The following MAPT variants were observed in gnomAD, a reference collection of about 807,000 sequenced individuals.
MAPT encodes microtubule-associated protein tau.
Under a neutral mutation model 67.9 loss-of-function variants are expected in MAPT, and 34 were observed. That is an observed-to-expected ratio of 0.50 (90% CI 0.38 to 0.67). The LOEUF is 0.67. Ranked by LOEUF, MAPT falls within the 30% of genes least tolerant of loss-of-function variation. MAPT has a pLI of 0.00. For synonymous variants in MAPT, 456 were observed against 464.5 expected, an observed-to-expected ratio of 0.98 and a Z score of 0.23; for missense variants, 881 against 1,115.2, an observed-to-expected ratio of 0.79 and a Z score of 2.99.
At chr17:45,998,577 A>C (rs2074709255) in intron 9 of MAPT, among the ~76,000 whole-genome samples, 1 of 152,148 alleles carries the variant, frequency 6.6e-6, no homozygotes, top group African/African-American at 2.4e-5. Context: ...ATCCGGGTTA[A>C]ATTAAGGTCC....
intron 1 of MAPT, among the ~76,000 whole-genome samples, chr17:45,954,518 G>C (rs888192935): frequency 6.6e-6 from 1 of 152,180 alleles, no homozygotes; most frequent in African/African-American, 2.4e-5. Flanking sequence ...AGCCACTCGG[G>C]AGACTGAGGT....
intron 5 of MAPT, among the ~76,000 whole-genome samples, chr17:45,984,183 A>C (rs2073307962): frequency 6.6e-6 from 1 of 151,914 alleles, no homozygotes; most frequent in African/African-American, 2.4e-5. Context: ...CGTGCTACCC[A>C]CCTTGTTTGA....
intron 1 of MAPT, among the ~76,000 whole-genome samples, chr17:45,942,709 A>G (rs1345004940): frequency 6.6e-6 from 1 of 152,268 alleles, no homozygotes; most frequent in Non-Finnish European, 1.5e-5. Flanking sequence ...AAATACAAAC[A>G]GGAGACAGAA....
intron 9 of MAPT, among the ~76,000 whole-genome samples, chr17:46,006,969 TAAAATAAAATAAATA>T (rs374753402): frequency 0.15 from 21,517 of 143,358 alleles, 2,106 homozygotes; most frequent in Non-Finnish European, 0.22. Context: ...TAAAATAAAA[TAAAATAAAATAAATA>T]AAATAAAATA....
At chr17:45,946,581 C>T (rs1402885195) in intron 1 of MAPT, among the ~76,000 whole-genome samples, 1 of 111,982 alleles carries the variant, frequency 8.9e-6, no homozygotes, top group East Asian at 2.2e-4. Context: ...CCTGGGCGAC[C>T]GAGGGGGACT....
chr17:45,956,538 G>A (rs1014757269), intron 1 of MAPT, among the ~76,000 whole-genome samples: 2 of 143,064 alleles, frequency 1.4e-5, no homozygotes, highest in Admixed American at 7.0e-5. Context: ...TGGAACTCTA[G>A]CAGGTTCTTT....
intron 1 of MAPT, among the ~76,000 whole-genome samples, chr17:45,919,358 C>G (rs985356430): frequency 2.0e-5 from 3 of 151,966 alleles, no homozygotes; most frequent in South Asian, 2.1e-4. Flanking sequence ...GCGCCCCCCC[C>G]GCCTGCCCTC....
intron 1 of MAPT, among the ~76,000 whole-genome samples, chr17:45,961,521 G>A (rs1007506333): frequency 2.0e-5 from 3 of 152,178 alleles, no homozygotes; most frequent in Admixed American, 6.5e-5. Flanking sequence ...GGACACCCCC[G>A]ATGAGTCAAG....
chr17:45,948,305 C>T (rs948961866), intron 1 of MAPT, among the ~76,000 whole-genome samples: 1 of 147,348 alleles, frequency 6.8e-6, no homozygotes, highest in Non-Finnish European at 1.5e-5. Flanking sequence ...GCACCCAGCC[C>T]TCCTGGGCTC....
chr17:45,993,829 C>A, intron 8 of MAPT: 1 of 1,312,210 alleles, frequency 7.6e-7, no homozygotes, highest in Non-Finnish European at 1.1e-6. Flanking sequence ...GGGGCCCCTG[C>A]TGGGCCAGCT....
chr17:45,974,038 G>A (rs10514889), intron 3 of MAPT: 129,129 of 344,704 alleles, frequency 0.37, 26,855 homozygotes, highest in East Asian at 0.47. Context: ...CTGTCTTAAG[G>A]ATCATATAGT....
At position 45,996,960 on chromosome 17, in the gene MAPT, G is replaced by A. The variant is rs2074534397; in HGVS notation, c.1998+296G>A. Among the ~76,000 whole-genome samples the A allele has an allele frequency of 6.6e-6, 1 of 152,152 alleles. No individual in the cohort carries two copies. The highest frequency in any genetic ancestry group is 1.5e-5 in the Non-Finnish European group (1 of 68,034). ...CTTGCCCCTTCAGCCCCTGTTAATC[G>A]GACAGAGATGGCAGGGCTGTGTCTC... On this transcript the variant is annotated intron_variant, in intron 9 of 12. Coordinates refer to ENST00000262410, the MANE Select transcript of MAPT (RefSeq NM_001377265.1). The surrounding 1 kb of genome is among the most constrained non-coding windows in gnomAD (Gnocchi z 4.5).
At chr17:45,952,248 G>C (rs2069159813) in intron 1 of MAPT, among the ~76,000 whole-genome samples, 2 of 152,182 alleles carry the variant, frequency 1.3e-5, no homozygotes, top group African/African-American at 4.8e-5. Context: ...AGTTCTTCCA[G>C]AGAAATCATC....
intron 6 of MAPT, 112 bp from the exon 7 acceptor site, chr17:45,989,766 G>A: frequency 1.0e-6 from 1 of 957,528 alleles, no homozygotes; most frequent in Non-Finnish European, 1.7e-6. Flanking sequence ...GGAGATCACT[G>A]CTTTCAACCA....
chr17:45,956,583 TATATATATATA>T (rs1378632874), intron 1 of MAPT, among the ~76,000 whole-genome samples: 11 of 26,214 alleles, frequency 4.2e-4, no homozygotes, highest in African/African-American at 1.1e-3. Context: ...TATATATATA[TATATATATATA>T]TATATATTTT....
intron 1 of MAPT, chr17:45,898,201 G>C (rs981454412): frequency 9.9e-5 from 15 of 152,216 alleles, no homozygotes; most frequent in Non-Finnish European, 2.2e-4. Flanking sequence ...CTTGGCTCTT[G>C]GGTTCACCTT....
At chr17:45,998,895 C>A (rs1366179821) in intron 9 of MAPT, among the ~76,000 whole-genome samples, 1 of 152,092 alleles carries the variant, frequency 6.6e-6, no homozygotes, top group East Asian at 1.9e-4. Context: ...CCAGAGGGGC[C>A]CTCACTGGCC....
At chr17:45,910,044 C>CA (rs1168372825) in intron 1 of MAPT, among the ~76,000 whole-genome samples, 3 of 152,044 alleles carry the variant, frequency 2.0e-5, no homozygotes, top group African/African-American at 7.2e-5. Flanking sequence ...GACTCCATTT[C>CA]AAAAAAATAA....
chr17:45,901,340 T>C (rs981564586), intron 1 of MAPT, among the ~76,000 whole-genome samples: 11 of 152,148 alleles, frequency 7.2e-5, no homozygotes, highest in Admixed American at 5.2e-4. Flanking sequence ...AGTTTACTCG[T>C]TGAATAAAAA....
Sources: gnomAD v4.1 joint callset for allele counts (sites outside exome capture counted in the v4.1 genomes callset) on GRCh38, gnomAD v4.1.1 for gene constraint, Gnocchi (gnomAD v3.1) non-coding constraint, MANE v1.5 for transcripts, NCBI Gene and HGNC (gene_info 2026-07-23, HGNC 2026-07-21) for gene names.